The following MYO15A variants were observed in gnomAD, a reference collection of about 807,000 sequenced individuals.
MYO15A encodes the protein unconventional myosin-XV.
MYO15A carries 308 observed loss-of-function variants against 394.6 expected under a neutral mutation model. The ratio of observed to expected loss-of-function variants is 0.78; its 90% CI spans 0.71 to 0.86. The LOEUF (loss-of-function observed/expected upper bound fraction) is 0.86, where lower values mean the gene tolerates loss of function less well. Ranked by LOEUF, MYO15A falls within the 40% of genes least tolerant of loss-of-function variation. The pLI is 0.00. For missense variants in MYO15A, 4,606 were observed against 4,799.1 expected, an observed-to-expected ratio of 0.96 and a Z score of 1.19; for synonymous variants, 1,957 against 2,003.8, an observed-to-expected ratio of 0.98 and a Z score of 0.62.
chr17:18,156,332 AGAAGGTCAG>A lies in MYO15A; in HGVS notation c.8600_8601+7del. 6.2e-7 allele frequency: 1 copy of A among 1,614,148 alleles called. No homozygotes were observed. Among genetic ancestry groups the A allele is most frequent in the Non-Finnish European group, 8.5e-7 (1 of 1,180,002 alleles). On this transcript the variant is annotated splice_donor_variant and splice_donor_5th_base_variant and coding_sequence_variant and intron_variant, in exon 48 of 66. Transcript: ENST00000647165. LOFTEE classifies it high-confidence loss of function. ...GTAGATGACTTCATCTTGGAGCTGA[AGAAGGTCAG>A]GATCTTCTCACAGATCTTCCCTCCA...
chr17:18,151,332 C>T (rs1486011706), intron 39 of MYO15A, 42 bp downstream of exon 39: 1 of 1,614,188 alleles, frequency 6.2e-7, no homozygotes. Context: ...CCAGGACAGG[C>T]CTGGTGGTGT....
rs2046361912 is a variant in MYO15A at position 18,140,656 on chromosome 17, A to C, written c.5351A>C (p.Lys1784Thr). ...CAGTCACTCCTGGATCTGGTGGAAA[A>C]GATGGAGAGGTGGGGTGGGGGGCAG... is the stretch of plus-strand genomic sequence containing the variant. The part of the protein sequence containing the change: ...FQQSLLDLVE[K>T]MERCNPLFMR... Residue 1784 changes from lysine (K) to threonine (T), a missense_variant, in exon 20 of 66, where the codon AAG becomes ACG. Coordinates refer to ENST00000647165, the MANE Select transcript of MYO15A (RefSeq NM_016239.4). The C allele has an allele frequency of 6.2e-7, 1 of 1,613,812 alleles. No individual in the cohort carries two copies. Among genetic ancestry groups the C allele is most frequent in the Non-Finnish European group, 8.5e-7 (1 of 1,180,032 alleles).
intron 51 of MYO15A, 188 bp from the exon 52 acceptor site, chr17:18,158,335 A>G (rs921157273): frequency 2.8e-5 from 17 of 609,016 alleles, no homozygotes; most frequent in Non-Finnish European, 4.3e-5. Context: ...AGGTTAGCAC[A>G]GCAAGTAAAA....
At chr17:18,169,262 CA>C (rs2046905414) in intron 62 of MYO15A, among the ~76,000 whole-genome samples, 1 of 151,764 alleles carries the variant, frequency 6.6e-6, no homozygotes, top group South Asian at 2.1e-4. Context: ...TCCTGGCCAA[CA>C]TGGCGAAACC....
intron 53 of MYO15A, 28 bp from the exon 54 acceptor site, chr17:18,159,247 A>C: frequency 1.2e-6 from 2 of 1,612,394 alleles, no homozygotes; most frequent in Non-Finnish European, 1.7e-6. Context: ...TCCCTCCTCC[A>C]TCATGACACA....
Position 18,178,872 on chromosome 17 carries a change from C to T in MYO15A, c.*2C>T. 4 of 1,612,138 alleles carry T rather than the reference C, an allele frequency of 2.5e-6. No individual in the cohort carries two copies. The highest frequency in any genetic ancestry group is 3.4e-6 in the Non-Finnish European group (4 of 1,179,766). On this transcript the variant is annotated 3_prime_UTR_variant, in exon 66 of 66. Coordinates refer to ENST00000647165, the MANE Select transcript of MYO15A (RefSeq NM_016239.4). ...CCCAGCGAGATCACCCTGCTCTGAC[C>T]CAGCCCCCAGCCCTCCAGTACCTTC...
chr17:18,157,748 C>G lies in MYO15A; in HGVS notation c.8815C>G (p.Arg2939Gly). The G allele has an allele frequency of 6.2e-7, 1 of 1,606,302 alleles. No individual in the cohort carries two copies. ...CTGGAGGTTCGGGACCATCCACGGG[C>G]GCGTGGGCCGCTTCCCTTCGGAGCT... ...FGWRFGTIHG[R>G]VGRFPSELVQ... Residue 2939 changes from arginine (R) to glycine (G), a missense_variant, in exon 51 of 66, where the codon CGC (arginine) becomes GGC (glycine). By Grantham distance (125) the Arg-to-Gly change is moderately radical. Coordinates refer to ENST00000647165, the MANE Select transcript of MYO15A (RefSeq NM_016239.4).
intron 62 of MYO15A, chr17:18,169,659 A>G (rs779238828): frequency 4.6e-5 from 7 of 152,162 alleles, no homozygotes; most frequent in Non-Finnish European, 7.4e-5. Context: ...AGTGGACCTC[A>G]AAGAGCTTTT....
At position 18,135,825 on chromosome 17, in the gene MYO15A, G is replaced by A. The variant is rs368931546; in HGVS notation, c.4596+1G>A. 22 of 1,612,944 alleles carry A rather than the reference G, an allele frequency of 1.4e-5. No homozygotes were observed. The highest frequency in any genetic ancestry group is 1.6e-4 in the Middle Eastern group (1 of 6,078). ...GAAGGCCATCACCTTCAAAGTGACC[G>A]TGAGTCTGTGGGCATCTGGCCTTCG... is the stretch of plus-strand genomic sequence containing the variant. On this transcript the variant is annotated splice_donor_variant, in intron 13 of 65. Coordinates refer to ENST00000647165, the MANE Select transcript of MYO15A (RefSeq NM_016239.4). LOFTEE classifies it high-confidence loss of function.
rs2045907194 is a variant in MYO15A, at chr17:18,120,800, C to T, written c.2000C>T (p.Pro667Leu). The change falls in exon 2 of 66, where the codon CCG (proline) becomes CTG (leucine). Residue 667 changes from proline to leucine, a missense_variant. Around this residue, in one of 2 missense-constraint regions of MYO15A, gnomAD observed 1,830 missense variants for 1,689.7 expected, o/e 1.08. Coordinates refer to ENST00000647165, the MANE Select transcript of MYO15A (RefSeq NM_016239.4). The stretch of plus-strand genomic sequence containing the variant: ...GCGCTCCTGTCTCCGCCCGTGCCCC[C>T]GCGGCCCCCAAGCTCCGGGCCCCCG... ...WSALLSPPVP[P>L]RPPSSGPPPA... 7.7e-7 allele frequency: 1 copy of T among 1,303,322 alleles called. No individual in the cohort carries two copies. Among genetic ancestry groups the T allele is most frequent in the Non-Finnish European group, 9.7e-7 (1 of 1,029,138 alleles). 80.7% of individuals were successfully genotyped at this position (1,303,322 alleles called of 1,614,324 possible).
chr17:18,134,805 C>T lies in MYO15A; in HGVS notation c.4483-906C>T, dbSNP rs115396296. Among the ~76,000 whole-genome samples, 470 of 152,294 alleles carry T rather than the reference C, an allele frequency of 3.1e-3. 3 individuals are homozygous for T. Among genetic ancestry groups the T allele is most frequent in the African/African-American group, 0.011 (452 of 41,562 alleles). On this transcript the variant is annotated intron_variant, in intron 12 of 65. Transcript: ENST00000647165. ...ATATACATTTATGTCTAATTCCAGA[C>T]GTTCTATTGTGCTTTGTTAATCTAT...
chr17:18,121,858 G>T lies in MYO15A; in HGVS notation c.3058G>T (p.Asp1020Tyr). 6.2e-7 allele frequency: 1 copy of T among 1,612,790 alleles called. No individual in the cohort carries two copies. Among genetic ancestry groups the T allele is most frequent in the Non-Finnish European group, 8.5e-7 (1 of 1,179,898 alleles). ...EKPEEEATLG[D>Y]PQLPAETKPP... ...GCCTGAAGAAGAGGCCACCCTGGGG[G>T]ACCCCCAGCTGCCAGCAGAGACCAA... The change falls in exon 2 of 66, where the codon GAC becomes TAC. Residue 1020 changes from aspartate (D) to tyrosine (Y), a missense_variant. This residue lies in a region of MYO15A where 1,830 missense variants were observed against 1,689.7 expected (regional missense o/e 1.08). Transcript: ENST00000647165. This position sits in a 1 kb window ranked among gnomAD's most constrained non-coding sequence, Gnocchi z 5.3.
chr17:18,153,967 G>T lies in MYO15A; in HGVS notation c.8088+71G>T. ...GGGAGGGGCTGAAGCGAGCAGAGGA[G>T]GGTCTAGGACTTGGGGAGGGAGCCC... is the stretch of plus-strand genomic sequence containing the variant. On this transcript the variant is annotated intron_variant, in intron 43 of 65. Transcript: ENST00000647165. The surrounding 1 kb of genome is among the most constrained non-coding windows in gnomAD (Gnocchi z 4.1). 1 of 1,610,914 alleles carries T rather than the reference G, an allele frequency of 6.2e-7. No individual in the cohort carries two copies. The highest frequency in any genetic ancestry group is 8.5e-7 in the Non-Finnish European group (1 of 1,178,476).
intron 35 of MYO15A, chr17:18,149,822 A>G: frequency 1.7e-6 from 1 of 578,070 alleles, no homozygotes; most frequent in African/African-American, 1.9e-5. Flanking sequence ...GTGTGGTGGC[A>G]TGCCTCTGTA....
rs1172507145 is a variant in MYO15A at position 18,143,753 on chromosome 17, G to A, written c.6003G>A (p.Leu2001=). ...GGGAGGTAGTCGCTGTGGGGCACCT[G>A]GAGGTACCGGCTGAGCTGGCTGGGC... is the stretch of plus-strand genomic sequence containing the variant. The part of the protein sequence containing the change: ...SKREVVAVGH[L]EVPAELAGLL... The change falls in exon 27 of 66, where the codon CTG becomes CTA. Residue 2001 remains leucine (L), a synonymous_variant. Coordinates refer to ENST00000647165, the MANE Select transcript of MYO15A (RefSeq NM_016239.4). The A allele has an allele frequency of 1.2e-5, 19 of 1,599,122 alleles. No individual in the cohort carries two copies. Among genetic ancestry groups the A allele is most frequent in the East Asian group, 2.3e-5 (1 of 44,162 alleles).
intron 1 of MYO15A, among the ~76,000 whole-genome samples, chr17:18,110,730 A>G (rs550922894): frequency 3.3e-5 from 5 of 152,346 alleles, no homozygotes; most frequent in Non-Finnish European, 7.3e-5. Flanking sequence ...CCAAAGTCCC[A>G]TCCCTTTCAC....
chr17:18,113,568 G>A (rs971414929), intron 1 of MYO15A, among the ~76,000 whole-genome samples: 3 of 151,952 alleles, frequency 2.0e-5, no homozygotes, highest in Admixed American at 6.6e-5. Context: ...AGACCAGCCC[G>A]GCCAACATGG....
At position 18,142,148 on chromosome 17, in the gene MYO15A, C is replaced by T. The variant is rs1413194161; in HGVS notation, c.5719C>T (p.Leu1907Phe). 1 of 1,613,936 alleles carries T rather than the reference C, an allele frequency of 6.2e-7. No individual in the cohort carries two copies. Among genetic ancestry groups the T allele is most frequent in the Non-Finnish European group, 8.5e-7 (1 of 1,180,042 alleles). ...AGAGCATGTCCTGAATCTGGCAGCC[C>T]TCACTCTGCAGCGCTGCCTCCGTGG... is the stretch of plus-strand genomic sequence containing the variant. The part of the protein sequence containing the change: ...MREHVLNLAA[L>F]TLQRCLRGFF... Residue 1907 changes from leucine (L) to phenylalanine (F), a missense_variant, in exon 24 of 66, where the codon CTC (leucine) becomes TTC (phenylalanine). Physicochemically the swap from Leu to Phe is conservative, Grantham distance 22. Around this residue, in one of 2 missense-constraint regions of MYO15A, gnomAD observed 2,776 missense variants for 3,109.3 expected, o/e 0.89. Transcript: ENST00000647165.
intron 43 of MYO15A, 100 bp from the exon 44 acceptor site, chr17:18,154,031 G>T: frequency 6.2e-7 from 1 of 1,603,878 alleles, no homozygotes; most frequent in Non-Finnish European, 8.5e-7. Flanking sequence ...CCAGGGGTGG[G>T]GTTACAGCCG....
Sources: gnomAD v4.1 joint callset for allele counts (sites outside exome capture counted in the v4.1 genomes callset) on GRCh38, gnomAD v4.1.1 for gene constraint, gnomAD v4.1.1 regional missense constraint, Gnocchi (gnomAD v3.1) non-coding constraint, MANE v1.5 for transcripts, NCBI Gene and HGNC (gene_info 2026-07-23, HGNC 2026-07-21) for gene names.